Variants in PARD3B observed in about 807,000 individuals in gnomAD.
The protein encoded by PARD3B is partitioning defective 3 homolog B.
A neutral mutation model predicts 130.2 loss-of-function variants in PARD3B; 103 were observed. That is an observed-to-expected ratio of 0.79 (90% CI 0.67 to 0.93). The LOEUF (loss-of-function observed/expected upper bound fraction) is 0.93, where lower values mean the gene tolerates loss of function less well. PARD3B is among the 40% of genes least tolerant of loss of function. The pLI is 0.00. For synonymous variants in PARD3B, 583 were observed against 553.2 expected (o/e 1.05, Z -0.76); for missense variants, 1,609 against 1,499.2 (o/e 1.07, Z -1.21).
chr2:204,657,512 A>G (rs1156428630), intron 1 of PARD3B, among the ~76,000 whole-genome samples: 2 of 152,108 alleles, frequency 1.3e-5, no homozygotes, highest in South Asian at 4.1e-4. Flanking sequence ...GTCTAAAAAA[A>G]AAATTTTTTT....
chr2:205,318,168 G>A (rs1381648658), intron 18 of PARD3B, among the ~76,000 whole-genome samples: 2 of 152,068 alleles, frequency 1.3e-5, no homozygotes, highest in Non-Finnish European at 2.9e-5. Flanking sequence ...CCCAGGGACT[G>A]TAATTTTCCA....
chr2:205,307,789 C>A (rs987185549), intron 18 of PARD3B, among the ~76,000 whole-genome samples: 1 of 152,014 alleles, frequency 6.6e-6, no homozygotes, highest in Non-Finnish European at 1.5e-5. Flanking sequence ...GATTTATGTT[C>A]AAATCCATTT....
At chr2:204,746,187 T>C (rs1391701495) in intron 2 of PARD3B, among the ~76,000 whole-genome samples, 3 of 136,424 alleles carry the variant, frequency 2.2e-5, no homozygotes, top group Non-Finnish European at 3.0e-5. Context: ...TGTGACCAAG[T>C]GTTCTCATTG....
At chr2:204,651,185 G>A (rs1314823689) in intron 1 of PARD3B, among the ~76,000 whole-genome samples, 1 of 152,122 alleles carries the variant, frequency 6.6e-6, no homozygotes, top group African/African-American at 2.4e-5. Flanking sequence ...ACTCATTCTA[G>A]CATTAACCCA....
chr2:205,034,192 C>T lies in PARD3B; in HGVS notation c.395-13389C>T, dbSNP rs116354785. ...TACTTAGCTTAAACATCTGTCTTTGCGCCTGTAGCTTTGTTTGGTTCAATT... is the reference window on the plus strand; with the variant it reads ...TACTTAGCTTAAACATCTGTCTTTGTGCCTGTAGCTTTGTTTGGTTCAATT... On this transcript the variant is annotated intron_variant, in intron 3 of 22. Transcript: ENST00000406610. Among the ~76,000 whole-genome samples, 973 of 152,216 alleles carry T rather than the reference C, an allele frequency of 6.4e-3. 9 individuals are homozygous for T. The highest frequency in any genetic ancestry group is 0.022 in the African/African-American group (912 of 41,534).
chr2:204,752,370 C>T lies in PARD3B; in HGVS notation c.222+66088C>T, dbSNP rs138903425. ...TGGTAAAGTGCCACATAAGTAAGCC[C>T]TCTGAAGTGTTTACCTATTGCTGCA... On this transcript the variant is annotated intron_variant, in intron 2 of 22. Transcript: ENST00000406610. 2.0e-4 allele frequency among the ~76,000 whole-genome samples: 30 copies of T among 152,190 alleles called. 1 individual carries two copies. Among genetic ancestry groups the T allele is most frequent in the African/African-American group, 6.5e-4 (27 of 41,536 alleles).
At chr2:204,640,186 G>A (rs1255957596) in intron 1 of PARD3B, among the ~76,000 whole-genome samples, 1 of 152,114 alleles carries the variant, frequency 6.6e-6, no homozygotes, top group Non-Finnish European at 1.5e-5. Context: ...TGTCTGGGAG[G>A]TTGAGGGTGC....
chr2:205,411,477 T>A (rs2046596037), intron 19 of PARD3B, among the ~76,000 whole-genome samples: 1 of 152,136 alleles, frequency 6.6e-6, no homozygotes. Flanking sequence ...GTCTCATGTG[T>A]TAAATGAGAA....
At chr2:204,773,028 T>C (rs964505815) in intron 2 of PARD3B, among the ~76,000 whole-genome samples, 1 of 152,078 alleles carries the variant, frequency 6.6e-6, no homozygotes, top group African/African-American at 2.4e-5. Context: ...TTAAGATAAT[T>C]TCCCTCTTAT....
chr2:205,613,717 T>C (rs1281134268), intron 22 of PARD3B, among the ~76,000 whole-genome samples: 2 of 152,222 alleles, frequency 1.3e-5, no homozygotes, highest in Non-Finnish European at 2.9e-5. Context: ...TTATTATACA[T>C]AGCCAAATTA....
At chr2:205,124,219 T>A (rs41272651) in intron 8 of PARD3B, 108 bp from the exon 9 acceptor site, 1 of 922,114 alleles carries the variant, frequency 1.1e-6, no homozygotes, top group Admixed American at 3.1e-5. Flanking sequence ...AATGTAAATA[T>A]TTTACTGATT....
rs1164251900 is a variant in PARD3B, at chr2:204,548,151, C to T, written c.120+2032C>T. ...TAACAAGATTTAACGAATATTAAAT[C>T]GTATTCATAATGGCACTAAAAGGTC... On this transcript the variant is annotated intron_variant, in intron 1 of 22. Coordinates refer to ENST00000406610, the MANE Select transcript of PARD3B (RefSeq NM_001302769.2). Among the ~76,000 whole-genome samples, 6 of 152,004 alleles carry T rather than the reference C, an allele frequency of 3.9e-5. No homozygotes were observed. In the East Asian group the frequency reaches 7.7e-4, roughly 20 times the overall value.
In PARD3B at chr2:205,550,528, T is replaced by C. The variant is rs2052570518; in HGVS notation, c.3181-2796T>C. ...TTTTGAAGACTGGCCCAAGTTCTGG[T>C]ACTTCCATGAAGTTTTTCCTGACAC... On this transcript the variant is annotated intron_variant, in intron 21 of 22. Coordinates refer to ENST00000406610, the MANE Select transcript of PARD3B (RefSeq NM_001302769.2). This position sits in a 1 kb window ranked among gnomAD's most constrained non-coding sequence, Gnocchi z 4.5. 6.6e-6 allele frequency among the ~76,000 whole-genome samples: 1 copy of C among 152,200 alleles called. No individual in the cohort carries two copies. Among genetic ancestry groups the C allele is most frequent in the Admixed American group, 6.5e-5 (1 of 15,268 alleles).
intron 22 of PARD3B, among the ~76,000 whole-genome samples, chr2:205,570,027 T>C (rs763181052): frequency 7.2e-5 from 11 of 152,094 alleles, no homozygotes; most frequent in Non-Finnish European, 1.5e-4. Context: ...ACATTGGGAG[T>C]TGCCTTTTAA....
At position 205,001,562 on chromosome 2, in the gene PARD3B, A is replaced by G. The variant is rs182679273; in HGVS notation, c.394+36239A>G. Among the ~76,000 whole-genome samples the G allele has an allele frequency of 3.3e-5, 5 of 152,332 alleles. No homozygotes were observed. In the East Asian group the frequency reaches 9.6e-4, roughly 29 times the overall value. ...GTCAGCTGAAGCTGCACCGTCCAGA[A>G]TACCTGGCCTTCCTGGTTGGCACGT... On this transcript the variant is annotated intron_variant, in intron 3 of 22. Transcript: ENST00000406610.
chr2:204,732,163 A>G (rs2039538551), intron 2 of PARD3B, among the ~76,000 whole-genome samples: 1 of 151,776 alleles, frequency 6.6e-6, no homozygotes, highest in African/African-American at 2.4e-5. Flanking sequence ...GCACTATCTT[A>G]TTAGATATAA....
rs959033659 is a variant in PARD3B, at chr2:204,907,102, T to A, written c.223-58050T>A. On this transcript the variant is annotated intron_variant, in intron 2 of 22. Coordinates refer to ENST00000406610, the MANE Select transcript of PARD3B (RefSeq NM_001302769.2). The surrounding 1 kb of genome is among the most constrained non-coding windows in gnomAD (Gnocchi z 5.7). ...TTGTAGCAATTCTCCTGCCTCAGCC[T>A]CCCAAGTAGCTGGGATTACAGGTGC... Among the ~76,000 whole-genome samples the A allele has an allele frequency of 1.3e-5, 2 of 152,124 alleles. No individual in the cohort carries two copies. The highest frequency in any genetic ancestry group is 4.8e-5 in the African/African-American group (2 of 41,428).
At chr2:205,610,717 T>G (rs1380165310) in intron 22 of PARD3B, among the ~76,000 whole-genome samples, 1 of 152,142 alleles carries the variant, frequency 6.6e-6, no homozygotes, top group African/African-American at 2.4e-5. Context: ...CTGATAAAAT[T>G]TACAGTCATT....
intron 20 of PARD3B, among the ~76,000 whole-genome samples, chr2:205,496,746 C>A (rs1053706294): frequency 6.6e-6 from 1 of 151,394 alleles, no homozygotes; most frequent in Non-Finnish European, 1.5e-5. Flanking sequence ...AGTCTCAGTA[C>A]AATTTTTTTT....
Sources: allele counts gnomAD v4.1 joint callset (sites outside exome capture counted in the v4.1 genomes callset), GRCh38; gene constraint gnomAD v4.1.1; non-coding constraint Gnocchi (gnomAD v3.1); transcripts MANE v1.5; gene names NCBI Gene and HGNC (gene_info 2026-07-23, HGNC 2026-07-21).